CERS6: variants seen among roughly 807,000 people sequenced by gnomAD.
CERS6 encodes LAG1 homolog, ceramide synthase 6.
A neutral mutation model predicts 56.8 loss-of-function variants in CERS6; 26 were observed. The observed-to-expected ratio is 0.46, with a 90% CI of 0.34 to 0.63. The LOEUF (loss-of-function observed/expected upper bound fraction) is 0.63, where lower values mean the gene tolerates loss of function less well. Among genes scored for constraint, CERS6 ranks in the 30% least tolerant of loss-of-function variants. CERS6 has a pLI of 0.01. For missense variants in CERS6, 415 were observed against 467.5 expected, an observed-to-expected ratio of 0.89 and a Z score of 1.04; for synonymous variants, 164 against 173.3, an observed-to-expected ratio of 0.95 and a Z score of 0.42.
intron 3 of CERS6, among the ~76,000 whole-genome samples, chr2:168,580,431 C>G (rs1226894062): frequency 6.6e-6 from 1 of 151,966 alleles, no homozygotes; most frequent in Non-Finnish European, 1.5e-5. Context: ...AATGTTGACC[C>G]CTCTTTTACC....
chr2:168,676,896 T>C (rs1686074379), intron 4 of CERS6, among the ~76,000 whole-genome samples: 1 of 152,180 alleles, frequency 6.6e-6, no homozygotes, highest in South Asian at 2.1e-4. Flanking sequence ...CGCGACTGTC[T>C]GCTGGTGAAG....
At chr2:168,501,380 A>C (rs148662953) in intron 1 of CERS6, among the ~76,000 whole-genome samples, 1 of 152,216 alleles carries the variant, frequency 6.6e-6, no homozygotes, top group Admixed American at 6.5e-5. Flanking sequence ...TCAAGTATAC[A>C]TAGTCAATAG....
intron 6 of CERS6, among the ~76,000 whole-genome samples, chr2:168,696,342 C>G (rs1368942888): frequency 6.6e-6 from 1 of 152,162 alleles, no homozygotes; most frequent in Non-Finnish European, 1.5e-5. Flanking sequence ...ACTCCGTATA[C>G]CTTCTTCCTT....
intron 1 of CERS6, among the ~76,000 whole-genome samples, chr2:168,511,100 T>C (rs1036695910): frequency 6.6e-6 from 1 of 152,216 alleles, no homozygotes; most frequent in African/African-American, 2.4e-5. Context: ...CTTTCCATTC[T>C]CCTGTCCCAA....
chr2:168,711,710 A>C (rs912499487), intron 6 of CERS6, among the ~76,000 whole-genome samples: 165 of 143,342 alleles, frequency 1.2e-3, no homozygotes, highest in African/African-American at 4.1e-3. Context: ...CTCCAGCCTG[A>C]GTGACAGAGC....
At chr2:168,692,749 T>A (rs1686537452) in intron 5 of CERS6, among the ~76,000 whole-genome samples, 1 of 152,136 alleles carries the variant, frequency 6.6e-6, no homozygotes, top group African/African-American at 2.4e-5. Context: ...ATTAGCTGAT[T>A]TCTTTGTGTG....
chr2:168,589,348 C>G (rs1034104533), intron 3 of CERS6, among the ~76,000 whole-genome samples: 14 of 152,082 alleles, frequency 9.2e-5, no homozygotes, highest in African/African-American at 3.1e-4. Flanking sequence ...GTCGTGCTAT[C>G]TCCATTTGAA....
chr2:168,645,181 A>AGAGAGAGT (rs1685164658), intron 4 of CERS6, among the ~76,000 whole-genome samples: 3 of 120,670 alleles, frequency 2.5e-5, no homozygotes, highest in Non-Finnish European at 5.0e-5. Flanking sequence ...AGAGAGAGAG[A>AGAGAGAGT]GAGAGAGAGT....
intron 8 of CERS6, among the ~76,000 whole-genome samples, chr2:168,741,861 G>C (rs1335187488): frequency 1.3e-5 from 2 of 152,182 alleles, no homozygotes; most frequent in Non-Finnish European, 2.9e-5. Context: ...AGGAGGCATG[G>C]AAATAACAGA....
chr2:168,623,960 A>G (rs190357734), intron 3 of CERS6, among the ~76,000 whole-genome samples: 2 of 152,340 alleles, frequency 1.3e-5, no homozygotes, highest in Admixed American at 1.3e-4. Context: ...GAATAAGGTC[A>G]TAGATGGGCT....
chr2:168,549,699 G>A (rs540540455), intron 2 of CERS6, among the ~76,000 whole-genome samples: 3 of 152,288 alleles, frequency 2.0e-5, no homozygotes, highest in African/African-American at 7.2e-5. Context: ...TATTCTTTTA[G>A]TTTCCAAGGT....
At chr2:168,755,905 T>C (rs1482034664) in intron 8 of CERS6, among the ~76,000 whole-genome samples, 2 of 152,226 alleles carry the variant, frequency 1.3e-5, no homozygotes, top group Admixed American at 6.5e-5. Flanking sequence ...GAGCCTCACA[T>C]TGGTATGTGT....
intron 4 of CERS6, among the ~76,000 whole-genome samples, chr2:168,690,542 T>TGTCC (rs1212686584): frequency 3.9e-5 from 6 of 152,178 alleles, no homozygotes; most frequent in African/African-American, 1.4e-4. Flanking sequence ...TAGTCTTAAG[T>TGTCC]GTCCTTCTTA....
In CERS6 at chr2:168,507,514, A is replaced by C. The variant is rs188793202; in HGVS notation, c.171-40082A>C. ...TCAAAAATGATGCTGTGTTCCTCTAAGAGCATTGCGTTGAAGGCACAAGAT... is the reference window on the plus strand; with the variant it reads ...TCAAAAATGATGCTGTGTTCCTCTACGAGCATTGCGTTGAAGGCACAAGAT... On this transcript the variant is annotated intron_variant, in intron 1 of 9. Transcript: ENST00000305747. 9.2e-5 allele frequency among the ~76,000 whole-genome samples: 14 copies of C among 152,266 alleles called. No homozygotes were observed. The East Asian group carries it at 2.3e-3, about 25-fold the overall frequency.
Position 168,662,301 on chromosome 2 carries a change from C to T in CERS6, c.466-28733C>T, listed in dbSNP as rs112498744. 1.8e-4 allele frequency among the ~76,000 whole-genome samples: 27 copies of T among 152,198 alleles called. 1 individual carries two copies. Among genetic ancestry groups the T allele is most frequent in the African/African-American group, 5.8e-4 (24 of 41,504 alleles). On this transcript the variant is annotated intron_variant, in intron 4 of 9. Coordinates refer to ENST00000305747, the MANE Select transcript of CERS6 (RefSeq NM_203463.3). ...TATTAAACAATTTCTGGATTTCATA[C>T]AGTAGTCTTTTTTGGCTAGTGCAAT... is the stretch of plus-strand genomic sequence containing the variant.
intron 8 of CERS6, among the ~76,000 whole-genome samples, chr2:168,742,060 A>G (rs1683926416): frequency 6.6e-6 from 1 of 152,234 alleles, no homozygotes; most frequent in Non-Finnish European, 1.5e-5. Flanking sequence ...AGAGAAAACA[A>G]TCACAGTGAA....
chr2:168,660,214 T>C (rs1320393373), intron 4 of CERS6, among the ~76,000 whole-genome samples: 1 of 152,242 alleles, frequency 6.6e-6, no homozygotes, highest in Non-Finnish European at 1.5e-5. Context: ...CATCAAGTTA[T>C]GCTTTCTGCC....
chr2:168,594,676 G>A (rs76477080), intron 3 of CERS6, among the ~76,000 whole-genome samples: 4,162 of 152,208 alleles, frequency 0.027, 198 homozygotes, highest in African/African-American at 0.095. Context: ...CCACCCCAGT[G>A]TAAGTCCTGC....
chr2:168,618,370 A>G (rs1684370630), intron 3 of CERS6, among the ~76,000 whole-genome samples: 1 of 152,216 alleles, frequency 6.6e-6, no homozygotes, highest in African/African-American at 2.4e-5. Flanking sequence ...TAGTACTGGA[A>G]TCCAAGCCAG....
Sources: gnomAD v4.1 joint callset for allele counts (sites outside exome capture counted in the v4.1 genomes callset) on GRCh38, gnomAD v4.1.1 for gene constraint, MANE v1.5 for transcripts, NCBI Gene and HGNC (gene_info 2026-07-23, HGNC 2026-07-21) for gene names.